Variants in UNC13C observed in about 807,000 individuals in gnomAD.
The protein encoded by UNC13C is protein unc-13 homolog C.
In UNC13C, 174 loss-of-function variants were observed where a neutral mutation model predicts 245.4. The observed-to-expected ratio is 0.71, with a 90% CI of 0.63 to 0.80. The LOEUF is 0.80. Among genes scored for constraint, UNC13C ranks in the 30% least tolerant of loss-of-function variants. The probability of loss-of-function intolerance (pLI) is 0.00; values close to 1 mark genes in which losing one functional copy is unlikely to be tolerated. For synonymous variants in UNC13C, 992 were observed against 895.1 expected, an observed-to-expected ratio of 1.11 and a Z score of -1.93; for missense variants, 2,829 against 2,602.9, an observed-to-expected ratio of 1.09 and a Z score of -1.89.
At chr15:54,224,198 C>T (rs912320972) in intron 4 of UNC13C, among the ~76,000 whole-genome samples, 15 of 152,190 alleles carry the variant, frequency 9.9e-5, no homozygotes, top group African/African-American at 3.6e-4. Flanking sequence ...AGTGGGCATC[C>T]TTGTGGTGTT....
intron 19 of UNC13C, among the ~76,000 whole-genome samples, chr15:54,475,464 C>T (rs532406547): frequency 1.4e-4 from 21 of 151,742 alleles, no homozygotes; most frequent in Non-Finnish European, 2.9e-4. Flanking sequence ...CCTCTCCCCC[C>T]ACCCCACAAC....
intron 19 of UNC13C, among the ~76,000 whole-genome samples, chr15:54,451,945 G>A (rs1343081239): frequency 6.6e-6 from 1 of 152,162 alleles, no homozygotes; most frequent in Non-Finnish European, 1.5e-5. Context: ...ATGTGTATCT[G>A]TGATTTTGGT....
chr15:54,201,863 G>A (rs1351696352), intron 4 of UNC13C, among the ~76,000 whole-genome samples: 1 of 151,910 alleles, frequency 6.6e-6, no homozygotes, highest in African/African-American at 2.4e-5. Context: ...TGGTAAAGAG[G>A]AATTCAAACT....
intron 19 of UNC13C, among the ~76,000 whole-genome samples, chr15:54,449,216 T>C (rs1330718933): frequency 1.3e-5 from 2 of 152,202 alleles, no homozygotes; most frequent in Non-Finnish European, 2.9e-5. Flanking sequence ...AATTTTTTCC[T>C]TCATTTCAAC....
chr15:53,902,140 C>T, the UNC13C span, among the ~76,000 whole-genome samples: 3 of 152,076 alleles, frequency 2.0e-5, no homozygotes, highest in Admixed American at 6.6e-5. Flanking sequence ...TTCCTCATAG[C>T]GTATAATAAT....
chr15:54,057,205 T>G (rs1440067068), intron 2 of UNC13C, among the ~76,000 whole-genome samples: 1 of 151,928 alleles, frequency 6.6e-6, no homozygotes, highest in Non-Finnish European at 1.5e-5. Flanking sequence ...TGTGCTGTAT[T>G]CAGGAAACCC....
intron 13 of UNC13C, among the ~76,000 whole-genome samples, chr15:54,305,913 G>A (rs182164309): frequency 8.2e-4 from 125 of 152,002 alleles, no homozygotes; most frequent in African/African-American, 2.8e-3. Flanking sequence ...CCAAATCCCC[G>A]GGTAATTTCA....
chr15:54,316,085 G>C (rs1057108145), intron 13 of UNC13C, among the ~76,000 whole-genome samples: 1 of 151,820 alleles, frequency 6.6e-6, no homozygotes, highest in Non-Finnish European at 1.5e-5. Context: ...CCTAAGACAT[G>C]TTGAAGAACT....
intron 2 of UNC13C, among the ~76,000 whole-genome samples, chr15:54,130,337 G>T (rs961344265): frequency 1.7e-5 from 2 of 116,208 alleles, no homozygotes; most frequent in African/African-American, 6.6e-5. Flanking sequence ...CTGTCTCCCA[G>T]GCTGGAGTGC....
chr15:54,013,618 A>G lies in UNC13C; in HGVS notation c.715A>G (p.Thr239Ala). 1 of 1,613,690 alleles carries G rather than the reference A, an allele frequency of 6.2e-7. No individual in the cohort carries two copies. Among genetic ancestry groups the G allele is most frequent in the Non-Finnish European group, 8.5e-7 (1 of 1,179,784 alleles). Residue 239 changes from threonine (T) to alanine (A), a missense_variant, in exon 2 of 33, where the codon ACA becomes GCA. Coordinates refer to ENST00000260323, the MANE Select transcript of UNC13C (RefSeq NM_001080534.3). ...CAGTTCCTCTGGCTGCATTAGCCAA[A>G]CACATGATGTCATGGAAATGATCTT... is the stretch of plus-strand genomic sequence containing the variant. ...GFSSSGCISQ[T>A]HDVMEMIFKE... is the part of the protein sequence containing the mutation.
chr15:53,842,897 GTT>G, the UNC13C span, among the ~76,000 whole-genome samples: 1 of 126,038 alleles, frequency 7.9e-6, no homozygotes, highest in Admixed American at 7.9e-5. Context: ...ATAATTTTAA[GTT>G]TTATATATAT....
chr15:54,585,555 G>A (rs1898445716), intron 30 of UNC13C, among the ~76,000 whole-genome samples: 1 of 152,162 alleles, frequency 6.6e-6, no homozygotes, highest in Admixed American at 6.5e-5. Flanking sequence ...GGACATGTAG[G>A]TATTAATTTA....
At chr15:53,935,609 C>G in the UNC13C span, among the ~76,000 whole-genome samples, 1 of 152,200 alleles carries the variant, frequency 6.6e-6, no homozygotes, top group Non-Finnish European at 1.5e-5. Flanking sequence ...ATATCTTCAA[C>G]TGAGGTATCC....
At chr15:54,155,683 G>T (rs1463569711) in intron 4 of UNC13C, among the ~76,000 whole-genome samples, 3 of 152,144 alleles carry the variant, frequency 2.0e-5, no homozygotes, top group African/African-American at 7.2e-5. Context: ...TACAATATGG[G>T]ATAAAGAGTA....
chr15:54,593,157 G>A (rs186711566), intron 30 of UNC13C, among the ~76,000 whole-genome samples: 1 of 152,244 alleles, frequency 6.6e-6, no homozygotes, highest in East Asian at 1.9e-4. Context: ...TAGCTTGTAG[G>A]GTTTCTGTTG....
At chr15:54,105,996 G>T (rs9788641) in intron 2 of UNC13C, among the ~76,000 whole-genome samples, 5 of 152,162 alleles carry the variant, frequency 3.3e-5, no homozygotes, top group East Asian at 1.9e-4. Context: ...ATGATCACTA[G>T]GTAGATACTT....
At chr15:53,956,533 A>C in the UNC13C span, among the ~76,000 whole-genome samples, 1 of 138,960 alleles carries the variant, frequency 7.2e-6, no homozygotes, top group African/African-American at 2.7e-5. Flanking sequence ...AAAACAAAAC[A>C]GAGAGGTAAA....
chr15:54,149,480 G>A (rs574342748), intron 4 of UNC13C, among the ~76,000 whole-genome samples: 2 of 152,228 alleles, frequency 1.3e-5, no homozygotes, highest in South Asian at 4.1e-4. Flanking sequence ...GACTCATCAT[G>A]CCCATATTTT....
chr15:54,013,064 A>T lies in UNC13C; in HGVS notation c.161A>T (p.Lys54Ile). Residue 54 changes from lysine (K) to isoleucine (I), a missense_variant, in exon 2 of 33, where the codon AAA becomes ATA. Coordinates refer to ENST00000260323, the MANE Select transcript of UNC13C (RefSeq NM_001080534.3). ...ACTGCTGGCCAGACCAAATCCCCCA[A>T]ATTTTCTTACACTTTTAAAAGCACT... is the stretch of plus-strand genomic sequence containing the variant. ...FPTAGQTKSP[K>I]FSYTFKSTVK... is the part of the protein sequence containing the mutation. 6.2e-7 allele frequency: 1 copy of T among 1,613,848 alleles called. No homozygotes were observed. The highest frequency in any genetic ancestry group is 8.5e-7 in the Non-Finnish European group (1 of 1,179,840).
Sources: allele counts gnomAD v4.1 joint callset (sites outside exome capture counted in the v4.1 genomes callset), GRCh38; gene constraint gnomAD v4.1.1; transcripts MANE v1.5; gene names NCBI Gene and HGNC (gene_info 2026-07-23, HGNC 2026-07-21).